The following SSH2 variants were observed in gnomAD, a reference collection of about 807,000 sequenced individuals.
SSH2 encodes slingshot protein phosphatase 2.
SSH2 carries 37 observed loss-of-function variants against 135.2 expected under a neutral mutation model. The ratio of observed to expected loss-of-function variants is 0.27; its 90% CI spans 0.21 to 0.36. The LOEUF is 0.36. Among genes scored for constraint, SSH2 ranks in the 10% least tolerant of loss-of-function variants. The pLI is 1.00. For missense variants in SSH2, 1,408 were observed against 1,765.3 expected, an observed-to-expected ratio of 0.80 and a Z score of 3.63; for synonymous variants, 628 against 646.2, an observed-to-expected ratio of 0.97 and a Z score of 0.43.
intron 1 of SSH2, among the ~76,000 whole-genome samples, chr17:29,929,010 C>T (rs2067124105): frequency 6.6e-6 from 1 of 152,056 alleles, no homozygotes; most frequent in Non-Finnish European, 1.5e-5. Flanking sequence ...CCCATTTGCC[C>T]CACTGGTGCA....
At chr17:29,738,603 G>A (rs2040451919) in intron 3 of SSH2, among the ~76,000 whole-genome samples, 1 of 150,418 alleles carries the variant, frequency 6.6e-6, no homozygotes, top group Admixed American at 6.6e-5. Context: ...GCCTAGGCTG[G>A]AGTGCAGTGC....
At chr17:29,695,306 A>T (rs1024112925) in intron 5 of SSH2, among the ~76,000 whole-genome samples, 153 bp downstream of exon 5, 1 of 152,196 alleles carries the variant, frequency 6.6e-6, no homozygotes, top group African/African-American at 2.4e-5. Context: ...AACAGTCTTA[A>T]ACCATCAAAT....
At chr17:29,894,132 T>C (rs2066400573) in intron 1 of SSH2, among the ~76,000 whole-genome samples, 1 of 152,140 alleles carries the variant, frequency 6.6e-6, no homozygotes, top group African/African-American at 2.4e-5. Flanking sequence ...ACTTACTGTG[T>C]AAGCTTGGAT....
intron 1 of SSH2, among the ~76,000 whole-genome samples, chr17:29,852,801 C>T (rs1397266769): frequency 2.0e-5 from 3 of 151,898 alleles, no homozygotes; most frequent in South Asian, 2.1e-4. Context: ...CCACCCACCT[C>T]GGCCTCCCAA....
intron 2 of SSH2, among the ~76,000 whole-genome samples, chr17:29,809,957 C>T (rs2042413157): frequency 6.6e-6 from 1 of 152,160 alleles, no homozygotes. Context: ...TACAACCATA[C>T]TCCCTCTACA....
At chr17:29,734,752 T>C (rs1323095986) in intron 3 of SSH2, among the ~76,000 whole-genome samples, 1 of 152,238 alleles carries the variant, frequency 6.6e-6, no homozygotes, top group Non-Finnish European at 1.5e-5. Context: ...TCAGGCTTTA[T>C]TGTAATATTC....
chr17:29,683,313 A>G (rs566753531), intron 6 of SSH2, among the ~76,000 whole-genome samples: 2 of 152,316 alleles, frequency 1.3e-5, no homozygotes, highest in Non-Finnish European at 1.5e-5. Flanking sequence ...AAAAAAGGAA[A>G]GCAACAAACC....
chr17:29,631,448 T>G lies in SSH2; in HGVS notation c.3746A>C (p.Lys1249Thr). The G allele has an allele frequency of 6.2e-7, 1 of 1,614,146 alleles. No individual in the cohort carries two copies. The highest frequency in any genetic ancestry group is 8.5e-7 in the Non-Finnish European group (1 of 1,180,016). Reference protein sequence around the residue: ...LPHSSSSENIKSLSHSPGVVK... With the variant: ...LPHSSSSENITSLSHSPGVVK... Reference sequence around the variant, plus strand: ...CACACCGGGGCTGTGGCTGAGACTCTTTATGTTTTCACTACTAGAGCTATG... The same window carrying G: ...CACACCGGGGCTGTGGCTGAGACTCGTTATGTTTTCACTACTAGAGCTATG... Residue 1249 changes from lysine (K) to threonine (T), a missense_variant, in exon 16 of 16, where the codon AAG becomes ACG. Physicochemically the swap from Lys to Thr is moderately conservative, Grantham distance 78. Around this residue, in one of 3 missense-constraint regions of SSH2, gnomAD observed 1,080 missense variants for 1,144.5 expected, o/e 0.94. Coordinates refer to ENST00000540801, the MANE Select transcript of SSH2 (RefSeq NM_001282129.2).
intron 3 of SSH2, among the ~76,000 whole-genome samples, chr17:29,719,270 G>A (rs948652504): frequency 1.3e-5 from 2 of 152,114 alleles, no homozygotes; most frequent in Non-Finnish European, 1.5e-5. Flanking sequence ...ACAATGGCAC[G>A]TCCATCAATG....
At chr17:29,747,824 C>G (rs1400454578) in intron 3 of SSH2, among the ~76,000 whole-genome samples, 2 of 152,094 alleles carry the variant, frequency 1.3e-5, no homozygotes, top group African/African-American at 4.8e-5. Context: ...CTGGAAGGAC[C>G]CAAGAGCAGA....
intron 3 of SSH2, among the ~76,000 whole-genome samples, chr17:29,737,920 C>CTTATATAT (rs1555623970): frequency 6.0e-5 from 9 of 150,596 alleles, no homozygotes; most frequent in Admixed American, 5.9e-4. Context: ...GAGAAAGTCT[C>CTTATATAT]TTATTTATTT....
intron 1 of SSH2, among the ~76,000 whole-genome samples, chr17:29,850,374 C>A (rs954210057): frequency 3.9e-5 from 6 of 152,326 alleles, no homozygotes; most frequent in Admixed American, 3.9e-4. Flanking sequence ...AAACTTCTCA[C>A]TACCAGTGGC....
intron 12 of SSH2, 43 bp from the exon 13 acceptor site, chr17:29,650,843 C>A: frequency 6.7e-7 from 1 of 1,494,254 alleles, no homozygotes; most frequent in Non-Finnish European, 9.0e-7. Flanking sequence ...ACTACTCAGG[C>A]TAAATCCAAT....
At chr17:29,774,860 G>A (rs1210081537) in intron 3 of SSH2, among the ~76,000 whole-genome samples, 2 of 152,072 alleles carry the variant, frequency 1.3e-5, no homozygotes, top group Admixed American at 6.6e-5. Flanking sequence ...TGGACAACTC[G>A]AATAAGTTTG....
chr17:29,812,683 G>A (rs550581615), intron 2 of SSH2, among the ~76,000 whole-genome samples: 1 of 152,166 alleles, frequency 6.6e-6, no homozygotes. Context: ...GAGGTCAGGA[G>A]ATCGAGACCA....
intron 2 of SSH2, among the ~76,000 whole-genome samples, chr17:29,838,339 G>A (rs560974153): frequency 1.3e-5 from 2 of 152,180 alleles, no homozygotes; most frequent in Admixed American, 6.5e-5. Flanking sequence ...GCCTGCAGGT[G>A]CCCCTTGGCA....
At chr17:29,709,015 T>TATATATATATATATATATATAG (rs780981175) in intron 3 of SSH2, among the ~76,000 whole-genome samples, 1 of 81,588 alleles carries the variant, frequency 1.2e-5, no homozygotes, top group African/African-American at 4.1e-5. Context: ...TATATATATA[T>TATATATATATATATATATATAG]AGAGAGAGAG....
Position 29,672,067 on chromosome 17 carries a change from C to T in SSH2, c.677G>A (p.Gly226Asp). 1 of 1,614,082 alleles carries T rather than the reference C, an allele frequency of 6.2e-7. No individual in the cohort carries two copies. The highest frequency in any genetic ancestry group is 1.1e-5 in the South Asian group (1 of 91,074). ...ACTCACCCAAGTGAGAAATAGGCTG[C>T]CTGGGTAGTAGTTATGCGCTCTGGC... is the stretch of plus-strand genomic sequence containing the variant. ...EVARAHNYYP[G>D]SLFLTWVSYY... The change falls in exon 9 of 16, where the codon GGC (glycine) becomes GAC (aspartate). Residue 226 changes from glycine (G) to aspartate (D), a missense_variant. Gly to Asp is a moderately conservative substitution (Grantham distance 94). Transcript: ENST00000540801.
chr17:29,761,285 G>C, intron 3 of SSH2: 2 of 1,284,244 alleles, frequency 1.6e-6, no homozygotes, highest in South Asian at 2.5e-5. Context: ...CATGGGGCCG[G>C]CTCAAAGTGC....
Sources: gnomAD v4.1 joint callset for allele counts (sites outside exome capture counted in the v4.1 genomes callset) on GRCh38, gnomAD v4.1.1 for gene constraint, gnomAD v4.1.1 regional missense constraint, MANE v1.5 for transcripts, NCBI Gene and HGNC (gene_info 2026-07-23, HGNC 2026-07-21) for gene names.